HPS4: variants seen among roughly 807,000 people sequenced by gnomAD.
HPS4 encodes the protein BLOC-3 complex member HPS4.
In HPS4, 44 loss-of-function variants were observed where a neutral mutation model predicts 70.3. The observed-to-expected ratio is 0.63, with a 90% CI of 0.49 to 0.80. The LOEUF is 0.80. HPS4 is among the 30% of genes least tolerant of loss of function. The pLI, the probability that HPS4 is intolerant of heterozygous loss-of-function variation, is 0.00. For missense variants in HPS4, 873 were observed against 884.4 expected, an observed-to-expected ratio of 0.99 and a Z score of 0.16; for synonymous variants, 377 against 355.9, an observed-to-expected ratio of 1.06 and a Z score of -0.67.
chr22:26,483,815 C>A, upstream of HPS4: 1 of 1,174,960 alleles, frequency 8.5e-7, no homozygotes, highest in Non-Finnish European at 1.1e-6. Context: ...CGCCTACCTC[C>A]CCCTCCAGCT....
chr22:26,473,882 A>C (rs2090178475), intron 4 of HPS4, among the ~76,000 whole-genome samples: 1 of 152,260 alleles, frequency 6.6e-6, no homozygotes, highest in Non-Finnish European at 1.5e-5. Context: ...TAAACTAATA[A>C]ACCCTGACAG....
chr22:26,464,971 A>G lies in HPS4; in HGVS notation c.804-145T>C, dbSNP rs146063286. Reference sequence around the variant, plus strand: ...CCTAAGAGGCCACCAGAGTTAAATCACAAGAGTAAAAATACACCAACATCT... The same window carrying G: ...CCTAAGAGGCCACCAGAGTTAAATCGCAAGAGTAAAAATACACCAACATCT... On this transcript the variant is annotated intron_variant, in intron 10 of 13. Transcript: ENST00000398145. 9.4e-4 allele frequency: 666 copies of G among 706,782 alleles called. 3 individuals carry two copies. The African/African-American group carries it at 9.6e-3, about 10-fold the overall frequency. 43.8% of individuals were successfully genotyped at this position (706,782 alleles called of 1,614,324 possible).
At chr22:26,453,606 T>TA in intron 13 of HPS4, 1 of 637,222 alleles carries the variant, frequency 1.6e-6, no homozygotes, top group South Asian at 1.8e-5. Context: ...TTCAGCTCAC[T>TA]AGATGCTGGA....
downstream of HPS4, among the ~76,000 whole-genome samples, chr22:26,448,853 A>C (rs965948763): frequency 2.6e-5 from 4 of 152,290 alleles, no homozygotes; most frequent in South Asian, 2.1e-4. Context: ...TTTTATTTCT[A>C]AGCTAGGATG....
chr22:26,479,255 T>C lies in HPS4; in HGVS notation c.132+10A>G. The C allele has an allele frequency of 1.2e-6, 2 of 1,614,148 alleles. No individual in the cohort carries two copies. Among genetic ancestry groups the C allele is most frequent in the Non-Finnish European group, 1.7e-6 (2 of 1,180,004 alleles). On this transcript the variant is annotated intron_variant, in intron 3 of 13. Transcript: ENST00000398145. Reference sequence around the variant, plus strand: ...ATCCTCACTGAACAATAAAATGCTGTGTGGCTTACCTGGGAAGGATAAAAG... The same window carrying C: ...ATCCTCACTGAACAATAAAATGCTGCGTGGCTTACCTGGGAAGGATAAAAG...
intron 6 of HPS4, 142 bp from the exon 7 acceptor site, chr22:26,470,955 C>T: frequency 6.5e-7 from 1 of 1,527,660 alleles, no homozygotes; most frequent in African/African-American, 1.4e-5. Flanking sequence ...ACAGTGAAAG[C>T]TGTGCCATGG....
At chr22:26,461,082 G>A (rs2087161599) in intron 11 of HPS4, among the ~76,000 whole-genome samples, 1 of 152,230 alleles carries the variant, frequency 6.6e-6, no homozygotes, top group African/African-American at 2.4e-5. Context: ...CAGAGCTGAG[G>A]CTAATTCCCG....
chr22:26,479,586 C>A, intron 2 of HPS4: 1 of 1,354,504 alleles, frequency 7.4e-7, no homozygotes, highest in Non-Finnish European at 9.5e-7. Flanking sequence ...GACCATCTGC[C>A]GGAGAAGACA....
rs773933435 is a variant in HPS4, at chr22:26,466,212, G to A, written c.706+14C>T. ...CGCCGTTCTCAAGAGGCAACCATGC[G>A]CCTCACTACTTACCATGTTCCTGCG... is the stretch of plus-strand genomic sequence containing the variant. On this transcript the variant is annotated intron_variant, in intron 9 of 13. Coordinates refer to ENST00000398145, the MANE Select transcript of HPS4 (RefSeq NM_022081.6). The A allele has an allele frequency of 4.3e-6, 7 of 1,614,060 alleles. No individual in the cohort carries two copies. The highest frequency in any genetic ancestry group is 4.0e-5 in the African/African-American group (3 of 75,034).
chr22:26,483,057 G>A (rs1324181843), intron 1 of HPS4, among the ~76,000 whole-genome samples: 1 of 152,182 alleles, frequency 6.6e-6, no homozygotes, highest in Non-Finnish European at 1.5e-5. Context: ...AAAGTCTCTA[G>A]AGACGACCCC....
chr22:26,465,183 AT>A (rs1303564386), intron 10 of HPS4, among the ~76,000 whole-genome samples: 1 of 152,230 alleles, frequency 6.6e-6, no homozygotes, highest in Non-Finnish European at 1.5e-5. Flanking sequence ...TACTTTTCAG[AT>A]GAAAAAACTG....
intron 9 of HPS4, 30 bp downstream of exon 9, chr22:26,466,196 C>G (rs1569076058): frequency 6.2e-7 from 1 of 1,614,082 alleles, no homozygotes; most frequent in East Asian, 2.2e-5. Context: ...CCGCCGTTCT[C>G]AAGAGGCAAC....
chr22:26,479,131 A>G, intron 3 of HPS4, 134 bp downstream of exon 3: 2 of 868,168 alleles, frequency 2.3e-6, no homozygotes, highest in East Asian at 5.3e-5. Context: ...AAATAGTACA[A>G]CTAAGAATAA....
chr22:26,466,374 G>A (rs1008330218), intron 8 of HPS4, 112 bp from the exon 9 acceptor site: 29 of 1,218,364 alleles, frequency 2.4e-5, no homozygotes, highest in Non-Finnish European at 3.3e-5. Flanking sequence ...GGCCCAGAAA[G>A]CTTGTCCCAA....
At chr22:26,458,710 G>A (rs2086664968) in intron 11 of HPS4, 133 bp from the exon 12 acceptor site, 1 of 1,061,784 alleles carries the variant, frequency 9.4e-7, no homozygotes, top group Non-Finnish European at 1.4e-6. Context: ...TAATCCCAGT[G>A]CTTTGTGAGA....
At chr22:26,474,458 T>G (rs1290669180) in intron 4 of HPS4, among the ~76,000 whole-genome samples, 1 of 151,850 alleles carries the variant, frequency 6.6e-6, no homozygotes, top group Non-Finnish European at 1.5e-5. Flanking sequence ...GATCTAAATT[T>G]AAAAGCTAAA....
At chr22:26,472,720 A>C (rs1268631797) in intron 5 of HPS4, 112 bp downstream of exon 5, 1 of 895,946 alleles carries the variant, frequency 1.1e-6, no homozygotes, top group Non-Finnish European at 1.9e-6. Context: ...TTGTCCCCAG[A>C]CACAATGTGT....
intron 3 of HPS4, among the ~76,000 whole-genome samples, chr22:26,478,572 A>AAC (rs1378652669): frequency 6.9e-6 from 1 of 144,718 alleles, no homozygotes; most frequent in Non-Finnish European, 1.5e-5. Flanking sequence ...CTCCATCACA[A>AAC]AAAAAAAAAA....
At position 26,465,459 on chromosome 22, in the gene HPS4, T is replaced by A. The variant is rs746808353; in HGVS notation, c.799A>T (p.Thr267Ser). ...ACTCTCTGTGCACTCCATTACCTTG[T>A]CATCTGTTCCACCGGGAACTCGTGG... ...SLHEFPVEQM[T>S]RSLASPAGLQ... The change falls in exon 10 of 14, where the codon ACA becomes TCA. Residue 267 changes from threonine (T) to serine (S), a missense_variant. By Grantham distance (58) the Thr-to-Ser change is moderately conservative. Coordinates refer to ENST00000398145, the MANE Select transcript of HPS4 (RefSeq NM_022081.6). The A allele has an allele frequency of 1.2e-6, 2 of 1,608,938 alleles. No homozygotes were observed. The highest frequency in any genetic ancestry group is 2.2e-5 in the East Asian group (1 of 44,862).
Sources: gnomAD v4.1 joint callset for allele counts (sites outside exome capture counted in the v4.1 genomes callset) on GRCh38, gnomAD v4.1.1 for gene constraint, MANE v1.5 for transcripts, NCBI Gene and HGNC (gene_info 2026-07-23, HGNC 2026-07-21) for gene names.